IRAK4: variants seen among roughly 807,000 people sequenced by gnomAD.
IRAK4 encodes the protein interleukin-1 receptor-associated kinase 4.
Under a neutral mutation model 51.8 loss-of-function variants are expected in IRAK4, and 44 were observed. The observed-to-expected ratio is 0.85, with a 90% CI of 0.67 to 1.09. IRAK4 has a LOEUF of 1.09. Among genes scored for constraint, IRAK4 ranks in the 50% least tolerant of loss-of-function variants. IRAK4 has a pLI of 0.00. For missense variants in IRAK4, 487 were observed against 538.0 expected (o/e 0.91, Z 0.94); for synonymous variants, 149 against 174.1 (o/e 0.86, Z 1.13).
chr12:43,772,306 A>G lies in IRAK4; in HGVS notation c.434A>G (p.Tyr145Cys), dbSNP rs1291725230. Residue 145 changes from tyrosine to cysteine, a missense_variant, in exon 4 of 12, where the codon TAT (tyrosine) becomes TGT (cysteine). Coordinates refer to ENST00000613694, the MANE Select transcript of IRAK4 (RefSeq NM_016123.4). ...MTPVQNLEQS[Y>C]MPPDSSSPEN... ...CCTGTGCAGAATCTTGAACAAAGCT[A>G]TATGCCACCTGACTCCTCAAGTCCA... 3 of 1,613,842 alleles carry G rather than the reference A, an allele frequency of 1.9e-6. No individual in the cohort carries two copies. Among genetic ancestry groups the G allele is most frequent in the East Asian group, 4.5e-5 (2 of 44,870 alleles).
intron 9 of IRAK4, among the ~76,000 whole-genome samples, chr12:43,783,060 C>T (rs4251527): frequency 0.19 from 29,307 of 151,870 alleles, 5,069 homozygotes; most frequent in African/African-American, 0.47. Context: ...GATTGGGAGT[C>T]CTTAGAACAT....
intron 1 of IRAK4, among the ~76,000 whole-genome samples, chr12:43,765,606 A>T (rs570074793): frequency 4.7e-5 from 7 of 150,436 alleles, no homozygotes; most frequent in Non-Finnish European, 8.8e-5. Context: ...AGTTAGTATG[A>T]GTTTATTTTG....
At chr12:43,768,797 A>G (rs76779572) in intron 2 of IRAK4, among the ~76,000 whole-genome samples, 2,831 of 152,170 alleles carry the variant, frequency 0.019, 57 homozygotes, top group South Asian at 0.071. Context: ...GATAATTTCA[A>G]TTTTTCCTTT....
chr12:43,772,204 CA>C lies in IRAK4; in HGVS notation c.333del (p.Leu112TyrfsTer7), dbSNP rs766515269. 22 of 1,613,486 alleles carry C rather than the reference CA, an allele frequency of 1.4e-5. No homozygotes were observed. In the South Asian group the frequency reaches 2.3e-4, roughly 17 times the overall value. ...GATGCTGTTCCCAAAACTGCTAATA[CA>C]CTACCTTCTAAAGAAGCTATAACAG... ...LPDAVPKTAN[T>X]LPSKEAITVQ... On this transcript the variant is annotated frameshift_variant, in exon 4 of 12. Coordinates refer to ENST00000613694, the MANE Select transcript of IRAK4 (RefSeq NM_016123.4). LOFTEE classifies it high-confidence loss of function.
At chr12:43,774,600 A>T (rs1592237647) in intron 6 of IRAK4, among the ~76,000 whole-genome samples, 1 of 152,186 alleles carries the variant, frequency 6.6e-6, no homozygotes, top group Admixed American at 6.6e-5. Flanking sequence ...CATGTCCTTC[A>T]TTATCATGTT....
rs1942268411 is a variant in IRAK4, at chr12:43,787,066, G to T, written c.*351G>T. The T allele has an allele frequency of 3.9e-6, 1 of 255,788 alleles. No individual in the cohort carries two copies. The highest frequency in any genetic ancestry group is 7.0e-5 in the South Asian group (1 of 14,334). The allele number at this position is 255,788 out of a possible 1,614,324, so 15.8% of individuals were successfully genotyped here. On this transcript the variant is annotated 3_prime_UTR_variant, in exon 12 of 12. Coordinates refer to ENST00000613694, the MANE Select transcript of IRAK4 (RefSeq NM_016123.4). ...GCCCAGCTGACTCCACTACTAATTT[G>T]CTGTAAAGCTTTGGACATACACTTA... is the stretch of plus-strand genomic sequence containing the variant.
intron 6 of IRAK4, among the ~76,000 whole-genome samples, chr12:43,775,982 C>T (rs1004058738): frequency 8.7e-5 from 13 of 149,276 alleles, no homozygotes; most frequent in Admixed American, 1.3e-4. Flanking sequence ...CCCAGGTTCA[C>T]GCCATTCTCC....
At chr12:43,775,820 A>G (rs1362545728) in intron 6 of IRAK4, among the ~76,000 whole-genome samples, 1 of 151,620 alleles carries the variant, frequency 6.6e-6, no homozygotes, top group Non-Finnish European at 1.5e-5. Context: ...TACTACCAGC[A>G]ATGTATTACA....
chr12:43,762,162 G>A (rs1939629863), intron 1 of IRAK4, among the ~76,000 whole-genome samples: 1 of 152,164 alleles, frequency 6.6e-6, no homozygotes, highest in African/African-American at 2.4e-5. Flanking sequence ...GTTCTTGTAA[G>A]TATGTGGTTG....
intron 6 of IRAK4, among the ~76,000 whole-genome samples, chr12:43,777,331 G>T (rs1408166461): frequency 6.6e-6 from 1 of 152,194 alleles, no homozygotes; most frequent in Non-Finnish European, 1.5e-5. Context: ...CGAGGCCGCA[G>T]TGAGCTATGA....
intron 2 of IRAK4, 188 bp downstream of exon 2, chr12:43,768,460 A>G: frequency 1.8e-6 from 1 of 571,344 alleles, no homozygotes; most frequent in Non-Finnish European, 3.1e-6. Flanking sequence ...CCATATGTCA[A>G]TAGGGCTAAT....
intron 1 of IRAK4, among the ~76,000 whole-genome samples, chr12:43,762,434 A>G (rs1188947152): frequency 1.3e-5 from 2 of 152,172 alleles, no homozygotes; most frequent in East Asian, 1.9e-4. Flanking sequence ...AGCTTTGTCA[A>G]TCATGTTGTA....
At position 43,777,616 on chromosome 12, in the gene IRAK4, A is replaced by C; in HGVS notation, c.717-14A>C. On this transcript the variant is annotated splice_polypyrimidine_tract_variant and intron_variant, in intron 6 of 11. Coordinates refer to ENST00000613694, the MANE Select transcript of IRAK4 (RefSeq NM_016123.4). ...TTATTATAATAATTTTGCATGAAAAATTATTTGTCACAGGTGTCAACATGA... is the reference window on the plus strand; with the variant it reads ...TTATTATAATAATTTTGCATGAAAACTTATTTGTCACAGGTGTCAACATGA... 6.3e-7 allele frequency: 1 copy of C among 1,593,206 alleles called. No homozygotes were observed. Among genetic ancestry groups the C allele is most frequent in the Non-Finnish European group, 8.6e-7 (1 of 1,169,092 alleles).
chr12:43,774,479 C>T (rs1021597525), intron 6 of IRAK4, among the ~76,000 whole-genome samples: 1 of 152,090 alleles, frequency 6.6e-6, no homozygotes, highest in African/African-American at 2.4e-5. Context: ...GATCTCCTGA[C>T]CTTGTGATCC....
chr12:43,778,034 T>C, intron 7 of IRAK4, among the ~76,000 whole-genome samples, 159 bp from the exon 8 acceptor site: 1 of 149,306 alleles, frequency 6.7e-6, no homozygotes, highest in African/African-American at 2.6e-5. Context: ...TTTGAGCTTA[T>C]TTAGATATTA....
chr12:43,788,227 G>A lies in IRAK4; in HGVS notation c.*1512G>A, dbSNP rs1942336561. 1 of 152,252 alleles carries A rather than the reference G, an allele frequency of 6.6e-6. No individual in the cohort carries two copies. Among genetic ancestry groups the A allele is most frequent in the African/African-American group, 2.4e-5 (1 of 41,452 alleles). 9.4% of individuals were successfully genotyped at this position (152,252 alleles called of 1,614,324 possible). ...TTGAGGGGTATGTGGAAATTATACA[G>A]AGCATGTACAGCGGGAGGCTTATAG... On this transcript the variant is annotated 3_prime_UTR_variant, in exon 12 of 12. Coordinates refer to ENST00000613694, the MANE Select transcript of IRAK4 (RefSeq NM_016123.4).
intron 2 of IRAK4, 83 bp downstream of exon 2, chr12:43,768,355 G>A: frequency 9.4e-7 from 1 of 1,068,046 alleles, no homozygotes; most frequent in South Asian, 1.5e-5. Flanking sequence ...GTCTAATGTG[G>A]CAGTTTAGAA....
chr12:43,771,501 T>C, intron 3 of IRAK4, 136 bp downstream of exon 3: 1 of 875,818 alleles, frequency 1.1e-6, no homozygotes, highest in East Asian at 2.6e-5. Context: ...CTTTCAGCAC[T>C]CCTCAACTCT....
At chr12:43,770,885 C>T (rs1442598443) in intron 2 of IRAK4, among the ~76,000 whole-genome samples, 1 of 152,068 alleles carries the variant, frequency 6.6e-6, no homozygotes, top group Non-Finnish European at 1.5e-5. Flanking sequence ...GGATTAATGT[C>T]GTCATGGCAG....
Sources: allele counts gnomAD v4.1 joint callset (sites outside exome capture counted in the v4.1 genomes callset), GRCh38; gene constraint gnomAD v4.1.1; transcripts MANE v1.5; gene names NCBI Gene and HGNC (gene_info 2026-07-23, HGNC 2026-07-21).